CLSTN2: variants seen among roughly 807,000 people sequenced by gnomAD.
CLSTN2 encodes the protein calsyntenin 2, also known as calsyntenin-2.
CLSTN2 carries 48 observed loss-of-function variants against 101.2 expected under a neutral mutation model. The observed-to-expected ratio is 0.47, with a 90% CI of 0.38 to 0.60. CLSTN2 has a LOEUF of 0.60. Among genes scored for constraint, CLSTN2 ranks in the 20% least tolerant of loss-of-function variants. The probability of loss-of-function intolerance (pLI) is 0.00; values close to 1 mark genes in which losing one functional copy is unlikely to be tolerated. For synonymous variants in CLSTN2, 481 were observed against 463.6 expected (o/e 1.04, Z -0.48); for missense variants, 1,160 against 1,238.2 (o/e 0.94, Z 0.95).
At chr3:140,052,869 T>C (rs1026222561) in intron 1 of CLSTN2, among the ~76,000 whole-genome samples, 2 of 152,240 alleles carry the variant, frequency 1.3e-5, no homozygotes, top group African/African-American at 4.8e-5. Context: ...CTTCCTTCTC[T>C]GGCAGCCCCA....
chr3:140,378,352 A>C (rs2087942789), intron 2 of CLSTN2, among the ~76,000 whole-genome samples: 2 of 152,364 alleles, frequency 1.3e-5, no homozygotes, highest in East Asian at 1.9e-4. Flanking sequence ...ATCTGGCTCT[A>C]ATAGAGTAAG....
At chr3:140,007,093 G>T (rs2006973949) in intron 1 of CLSTN2, among the ~76,000 whole-genome samples, 1 of 150,862 alleles carries the variant, frequency 6.6e-6, no homozygotes, top group South Asian at 2.1e-4. Flanking sequence ...ACACATTCAT[G>T]CCTATTTCTG....
intron 7 of CLSTN2, chr3:140,461,193 A>C (rs1933554153): frequency 6.6e-6 from 1 of 152,192 alleles, no homozygotes; most frequent in Admixed American, 6.5e-5. Flanking sequence ...GCAGAAACTG[A>C]GAGGTGCCTG....
intron 1 of CLSTN2, among the ~76,000 whole-genome samples, chr3:140,048,710 G>T (rs1001710030): frequency 2.0e-5 from 3 of 152,028 alleles, no homozygotes; most frequent in Non-Finnish European, 2.9e-5. Context: ...TGGGGGGAGT[G>T]GGGGGCAGTG....
At chr3:140,182,685 A>G (rs1393465612) in intron 2 of CLSTN2, among the ~76,000 whole-genome samples, 1 of 152,132 alleles carries the variant, frequency 6.6e-6, no homozygotes, top group Non-Finnish European at 1.5e-5. Flanking sequence ...CCTGCAGAAA[A>G]TCAGCTCCAG....
At chr3:140,072,277 A>G (rs2008411019) in intron 1 of CLSTN2, among the ~76,000 whole-genome samples, 2 of 152,204 alleles carry the variant, frequency 1.3e-5, no homozygotes, top group South Asian at 4.1e-4. Context: ...GTAATGAATC[A>G]ATTCCATTTG....
At chr3:139,942,231 ACT>A (rs1305573412) in intron 1 of CLSTN2, among the ~76,000 whole-genome samples, 1 of 152,010 alleles carries the variant, frequency 6.6e-6, no homozygotes, top group African/African-American at 2.4e-5. Flanking sequence ...TGAAAGCCTC[ACT>A]CTCTGACTCA....
At position 140,558,715 on chromosome 3, in the gene CLSTN2, C is replaced by G; in HGVS notation, c.1899C>G (p.Pro633=). 2 of 1,614,078 alleles carry G rather than the reference C, an allele frequency of 1.2e-6. No homozygotes were observed. Among genetic ancestry groups the G allele is most frequent in the Non-Finnish European group, 1.7e-6 (2 of 1,180,026 alleles). ...TGATGGTCCTCCAGGCCATCGAGCC[C>G]CGGATCACCCTCCGGGGCACAGACC... is the stretch of plus-strand genomic sequence containing the variant. The part of the protein sequence containing the change: ...AYVMVLQAIE[P]RITLRGTDHF... Residue 633 remains proline, a synonymous_variant, in exon 12 of 17, where the codon CCC becomes CCG. Transcript: ENST00000458420.
intron 1 of CLSTN2, among the ~76,000 whole-genome samples, chr3:139,936,671 C>G (rs1935028505): frequency 6.6e-6 from 1 of 152,202 alleles, no homozygotes; most frequent in East Asian, 1.9e-4. Flanking sequence ...GGCTGCATTA[C>G]TCTTGGAGGT....
chr3:140,309,853 C>A (rs2107915890), intron 2 of CLSTN2, among the ~76,000 whole-genome samples: 1 of 152,250 alleles, frequency 6.6e-6, no homozygotes, highest in East Asian at 1.9e-4. Flanking sequence ...CCGGGCTCTA[C>A]ACTCTCCTTC....
At chr3:140,381,222 T>C (rs1459810512) in intron 2 of CLSTN2, among the ~76,000 whole-genome samples, 2 of 152,214 alleles carry the variant, frequency 1.3e-5, no homozygotes, top group East Asian at 1.9e-4. Flanking sequence ...ATCTTCCTAA[T>C]GGTCATGTCT....
intron 2 of CLSTN2, among the ~76,000 whole-genome samples, chr3:140,331,829 C>T (rs1322857815): frequency 1.3e-5 from 2 of 152,192 alleles, no homozygotes; most frequent in African/African-American, 4.8e-5. Flanking sequence ...GCTTGTTTGC[C>T]AGTGCTTGTT....
At chr3:140,385,397 G>A (rs141830065) in intron 2 of CLSTN2, among the ~76,000 whole-genome samples, 12 of 124,866 alleles carry the variant, frequency 9.6e-5, no homozygotes, top group Middle Eastern at 5.1e-3. Context: ...CTGAGATGGC[G>A]TCTCGCTGTC....
Position 140,044,244 on chromosome 3 carries a change from C to T in CLSTN2, c.109+108761C>T, listed in dbSNP as rs183617974. On this transcript the variant is annotated intron_variant, in intron 1 of 16. Coordinates refer to ENST00000458420, the MANE Select transcript of CLSTN2 (RefSeq NM_022131.3). ...TAGTTCTCCTTGAAGTGGTCCTTCACGTCCCTTGTAAGTTGGATTCCTAGG... is the reference window on the plus strand; with the variant it reads ...TAGTTCTCCTTGAAGTGGTCCTTCATGTCCCTTGTAAGTTGGATTCCTAGG... Among the ~76,000 whole-genome samples, 91 of 152,250 alleles carry T rather than the reference C, an allele frequency of 6.0e-4. 1 individual carries two copies. Among genetic ancestry groups the T allele is most frequent in the Admixed American group, 2.9e-3 (45 of 15,296 alleles).
chr3:140,126,419 T>G (rs1182200656), intron 1 of CLSTN2, among the ~76,000 whole-genome samples: 1 of 152,046 alleles, frequency 6.6e-6, no homozygotes, highest in East Asian at 1.9e-4. Context: ...GACCCTGACA[T>G]GTAGTAAGTT....
At position 140,459,478 on chromosome 3, in the gene CLSTN2, C is replaced by A. The variant is rs1318504314; in HGVS notation, c.974-43C>A. The A allele has an allele frequency of 5.0e-6, 8 of 1,605,892 alleles. No individual in the cohort carries two copies. The African/African-American group carries it at 1.1e-4, about 21-fold the overall frequency. ...CAGGAGCAGAAAACAGATGAGGACA[C>A]CGCATCATGACCTGTTATCCTTTCT... On this transcript the variant is annotated intron_variant, in intron 6 of 16. Transcript: ENST00000458420.
At position 140,556,668 on chromosome 3, in the gene CLSTN2, G is replaced by A. The variant is rs1375866823; in HGVS notation, c.1823+7G>A. ...AAGTATCCTCCAAAGTCCAGTGAGT[G>A]GACGCTGGTCAGCCTGGGGCCAACT... is the stretch of plus-strand genomic sequence containing the variant. On this transcript the variant is annotated splice_region_variant and intron_variant, in intron 11 of 16. Transcript: ENST00000458420. 2 of 1,613,430 alleles carry A rather than the reference G, an allele frequency of 1.2e-6. No homozygotes were observed. Among genetic ancestry groups the A allele is most frequent in the Non-Finnish European group, 1.7e-6 (2 of 1,179,752 alleles).
chr3:140,248,540 TG>T, intron 2 of CLSTN2, among the ~76,000 whole-genome samples: 1 of 152,232 alleles, frequency 6.6e-6, no homozygotes, highest in South Asian at 2.1e-4. Flanking sequence ...CTTCCAGCAA[TG>T]TGCACCTAGG....
At chr3:140,503,770 G>GA (rs1355736189) in intron 8 of CLSTN2, among the ~76,000 whole-genome samples, 1 of 152,082 alleles carries the variant, frequency 6.6e-6, no homozygotes, top group African/African-American at 2.4e-5. Context: ...AAAGACAGCA[G>GA]AAAAAAGAAT....
Sources: gnomAD v4.1 joint callset for allele counts (sites outside exome capture counted in the v4.1 genomes callset) on GRCh38, gnomAD v4.1.1 for gene constraint, MANE v1.5 for transcripts, NCBI Gene and HGNC (gene_info 2026-07-23, HGNC 2026-07-21) for gene names.